Variants in TMEM181 observed in about 807,000 individuals in gnomAD.
TMEM181 encodes transmembrane protein 181.
TMEM181 carries 39 observed loss-of-function variants against 71.9 expected under a neutral mutation model. The ratio of observed to expected loss-of-function variants is 0.54; its 90% CI spans 0.42 to 0.71. The LOEUF (loss-of-function observed/expected upper bound fraction) is 0.71. Ranked by LOEUF, TMEM181 falls within the 30% of genes least tolerant of loss-of-function variation. The pLI is 0.00. For synonymous variants in TMEM181, 245 were observed against 228.8 expected (o/e 1.07, Z -0.64); for missense variants, 595 against 583.0 (o/e 1.02, Z -0.21).
intron 5 of TMEM181, among the ~76,000 whole-genome samples, chr6:158,585,686 A>G (rs1783728261): frequency 2.0e-5 from 3 of 152,184 alleles, no homozygotes; most frequent in Non-Finnish European, 4.4e-5. Flanking sequence ...ATGCACACAC[A>G]TATACTGCTA....
chr6:158,548,872 C>T (rs544637023), intron 1 of TMEM181, among the ~76,000 whole-genome samples: 133 of 152,326 alleles, frequency 8.7e-4, no homozygotes, highest in Middle Eastern at 3.4e-3. Context: ...GGGACTGATA[C>T]TTAAAAACCA....
intron 10 of TMEM181, among the ~76,000 whole-genome samples, chr6:158,616,333 T>C (rs1310134150): frequency 6.6e-6 from 1 of 152,212 alleles, no homozygotes; most frequent in Admixed American, 6.5e-5. Flanking sequence ...CACATTGATT[T>C]TGTATCCTGA....
upstream of TMEM181, among the ~76,000 whole-genome samples, chr6:158,559,864 A>G (rs900848683): frequency 2.6e-5 from 4 of 152,258 alleles, no homozygotes; most frequent in African/African-American, 9.6e-5. Context: ...TACCTGCCCT[A>G]GGGACAAGAG....
At chr6:158,587,983 C>T (rs913750852) in intron 5 of TMEM181, among the ~76,000 whole-genome samples, 4 of 152,342 alleles carry the variant, frequency 2.6e-5, no homozygotes, top group East Asian at 1.9e-4. Flanking sequence ...CCTGCCTTTG[C>T]GCATCATCCT....
chr6:158,627,341 ATAGT>A (rs1786376252), intron 13 of TMEM181, among the ~76,000 whole-genome samples: 1 of 152,168 alleles, frequency 6.6e-6, no homozygotes, highest in African/African-American at 2.4e-5. Context: ...TATCCTACAA[ATAGT>A]TACTGAGTGC....
At chr6:158,542,749 C>T (rs539857481) in intron 1 of TMEM181, among the ~76,000 whole-genome samples, 117 of 151,504 alleles carry the variant, frequency 7.7e-4, no homozygotes, top group Non-Finnish European at 1.5e-3. Context: ...GGACTACATG[C>T]GTGGACCACC....
chr6:158,570,405 T>C (rs1423615595), intron 1 of TMEM181, among the ~76,000 whole-genome samples: 1 of 151,884 alleles, frequency 6.6e-6, no homozygotes, highest in Non-Finnish European at 1.5e-5. Context: ...GCTAATTTTT[T>C]TTTTTTTTTG....
intron 1 of TMEM181, among the ~76,000 whole-genome samples, chr6:158,571,743 G>A (rs1267499407): frequency 6.6e-6 from 1 of 152,276 alleles, no homozygotes; most frequent in Non-Finnish European, 1.5e-5. Flanking sequence ...AGGAGTTGGT[G>A]TAGGTTGGAG....
At chr6:158,581,197 C>T (rs1196192218) in intron 3 of TMEM181, among the ~76,000 whole-genome samples, 1 of 152,240 alleles carries the variant, frequency 6.6e-6, no homozygotes, top group African/African-American at 2.4e-5. Flanking sequence ...TAATAAACAC[C>T]TCAGTACTTA....
Position 158,627,718 on chromosome 6 carries a change from G to T in TMEM181, c.1110-690G>T, listed in dbSNP as rs952367299. Among the ~76,000 whole-genome samples the T allele has an allele frequency of 3.3e-5, 5 of 152,374 alleles. No individual in the cohort carries two copies. The East Asian group carries it at 9.7e-4, about 29-fold the overall frequency. Reference sequence around the variant, plus strand: ...AGGCGTGGGCACGGCAGGAGGCAGAGCGAGCTCTTGAGTCCAGTTTCCATT... The same window carrying T: ...AGGCGTGGGCACGGCAGGAGGCAGATCGAGCTCTTGAGTCCAGTTTCCATT... On this transcript the variant is annotated intron_variant, in intron 13 of 16. Transcript: ENST00000684151.
chr6:158,613,518 T>C (rs959531236), intron 10 of TMEM181, among the ~76,000 whole-genome samples: 3 of 117,322 alleles, frequency 2.6e-5, no homozygotes, highest in Non-Finnish European at 5.2e-5. Context: ...TCAAGATAAC[T>C]TGGGGTTCCT....
At position 158,593,863 on chromosome 6, in the gene TMEM181, G is replaced by A. The variant is rs548717058; in HGVS notation, c.492+4081G>A. 2.3e-4 allele frequency among the ~76,000 whole-genome samples: 35 copies of A among 151,900 alleles called. No homozygotes were observed. In the South Asian group the frequency reaches 6.3e-3, roughly 27 times the overall value. On this transcript the variant is annotated intron_variant, in intron 6 of 16. Transcript: ENST00000684151. ...CAGCCTCCCCCATTGTCAGCATCTC[G>A]CACCAAAGTGGTACATTTGTTACAG...
intron 1 of TMEM181, among the ~76,000 whole-genome samples, chr6:158,544,098 G>A (rs1310440139): frequency 6.6e-6 from 1 of 152,002 alleles, no homozygotes; most frequent in Non-Finnish European, 1.5e-5. Context: ...GGATCAGGGT[G>A]GCTCCGTCTC....
intron 3 of TMEM181, 151 bp from the exon 4 acceptor site, chr6:158,583,802 TA>T (rs1304326583): frequency 5.1e-5 from 28 of 551,700 alleles, no homozygotes; most frequent in Admixed American, 1.1e-4. Context: ...TCCATCAAAA[TA>T]AAAAAAAGAA....
intron 1 of TMEM181, among the ~76,000 whole-genome samples, chr6:158,551,586 A>G (rs903050187): frequency 6.6e-6 from 1 of 152,198 alleles, no homozygotes; most frequent in African/African-American, 2.4e-5. Flanking sequence ...ATTACACACA[A>G]TGTTTTAAGA....
At chr6:158,547,467 G>A (rs943993974) in intron 1 of TMEM181, among the ~76,000 whole-genome samples, 2 of 152,018 alleles carry the variant, frequency 1.3e-5, no homozygotes, top group Admixed American at 1.3e-4. Context: ...ATCTGTCCTG[G>A]GGCTCCCAGT....
intron 6 of TMEM181, among the ~76,000 whole-genome samples, chr6:158,601,187 A>G (rs1441422956): frequency 1.3e-5 from 2 of 152,330 alleles, no homozygotes; most frequent in South Asian, 4.1e-4. Flanking sequence ...AGTAGTAACT[A>G]TTGTTTACTG....
Position 158,609,794 on chromosome 6 carries a change from G to C in TMEM181, c.896+1044G>C, listed in dbSNP as rs746109442. ...TTTGACTCTGGCAGTCTCCAGGACT[G>C]TATGCAAGGCCAGGCCCAGGTGGGC... On this transcript the variant is annotated intron_variant, in intron 10 of 16. Transcript: ENST00000684151. 5.8e-5 allele frequency: 14 copies of C among 241,786 alleles called. No homozygotes were observed. In the East Asian group the frequency reaches 7.2e-4, roughly 12 times the overall value. The allele number at this position is 241,786 out of a possible 1,614,324, so 15.0% of individuals were successfully genotyped here. A position where few individuals can be genotyped will look rare whatever the true frequency, so the allele number is the denominator to read the frequency against.
At chr6:158,569,569 G>T (rs1411111973) in intron 1 of TMEM181, among the ~76,000 whole-genome samples, 2 of 151,926 alleles carry the variant, frequency 1.3e-5, no homozygotes, top group East Asian at 3.9e-4. Flanking sequence ...CAGGTGCCTG[G>T]GGCGGGTTGT....
Sources: gnomAD v4.1 joint callset for allele counts (sites outside exome capture counted in the v4.1 genomes callset) on GRCh38, gnomAD v4.1.1 for gene constraint, MANE v1.5 for transcripts, NCBI Gene and HGNC (gene_info 2026-07-23, HGNC 2026-07-21) for gene names.